OR6C75: variants seen among roughly 807,000 people sequenced by gnomAD.
The protein encoded by OR6C75 is olfactory receptor 6C75.
For synonymous variants in OR6C75, 149 were observed against 130.6 expected, an observed-to-expected ratio of 1.14 and a Z score of -0.96; for missense variants, 380 against 368.0, an observed-to-expected ratio of 1.03 and a Z score of -0.27.
rs367950935 is a variant in OR6C75 at position 55,365,683 on chromosome 12, C to T, written c.573C>T (p.His191=). 36 of 1,614,008 alleles carry T rather than the reference C, an allele frequency of 2.2e-5. No individual in the cohort carries two copies. The highest frequency in any genetic ancestry group is 2.5e-5 in the Non-Finnish European group (30 of 1,180,014). The change falls in exon 3 of 3, where the codon CAC becomes CAT. Residue 191 remains histidine, a synonymous_variant. Coordinates refer to ENST00000641576, the MANE Select transcript of OR6C75 (RefSeq NM_001005497.2). ...PMLQLSCTNT[H]FLELMAFFLA... is the part of the protein sequence containing the mutation. Reference sequence around the variant, plus strand: ...TGCAGCTCTCTTGCACAAACACTCACTTTCTAGAACTCATGGCATTTTTTT... The same window carrying T: ...TGCAGCTCTCTTGCACAAACACTCATTTTCTAGAACTCATGGCATTTTTTT...
rs752532745 is a variant in OR6C75 at position 55,365,211 on chromosome 12, T to C, written c.101T>C (p.Met34Thr). The C allele has an allele frequency of 1.2e-6, 2 of 1,612,770 alleles. No individual in the cohort carries two copies. Among genetic ancestry groups the C allele is most frequent in the African/African-American group, 1.3e-5 (1 of 74,936 alleles). Residue 34 changes from methionine (M) to threonine (T), a missense_variant, in exon 3 of 3, where the codon ATG becomes ACG. Physicochemically the swap from Met to Thr is moderately conservative, Grantham distance 81. Transcript: ENST00000641576. The part of the protein sequence containing the change: ...VLFIFLLVTY[M>T]LSVTGNLIII... ...TTCATATTTCTTCTTGTTACCTACA[T>C]GTTAAGTGTGACTGGGAACCTGATC...
chr12:55,363,533 T>TAAAG lies in OR6C75; in HGVS notation c.-325-259_-325-258insAAGA, dbSNP rs1459252859. Among the ~76,000 whole-genome samples the TAAAG allele has an allele frequency of 3.7e-3, 556 of 152,156 alleles. 17 individuals carry two copies. The East Asian group carries it at 0.081, about 22-fold the overall frequency. On this transcript the variant is annotated intron_variant, in intron 1 of 2. Transcript: ENST00000641576. ...TGTCTCTGGATGACTGAGTTGTCTTTACAACTCAGTCAATTATAAAAAGTA... is the reference window on the plus strand; with the variant it reads ...TGTCTCTGGATGACTGAGTTGTCTTTAAAGACAACTCAGTCAATTATAAAAAGTA...
chr12:55,366,187 A>G lies in OR6C75; in HGVS notation c.*138A>G. ...AGTTACATATCATCAACACTTCTTA[A>G]TGAAATTAGCCTAAAAACCAAGATT... On this transcript the variant is annotated 3_prime_UTR_variant, in exon 3 of 3. Transcript: ENST00000641576. The G allele has an allele frequency of 1.7e-6, 1 of 573,798 alleles. No individual in the cohort carries two copies. Among genetic ancestry groups the G allele is most frequent in the South Asian group, 2.6e-5 (1 of 38,830 alleles). The allele number at this position is 573,798 out of a possible 1,614,324, so 35.5% of individuals were successfully genotyped here. A position where few individuals can be genotyped will look rare whatever the true frequency, so the allele number is the denominator to read the frequency against.
In OR6C75 at chr12:55,368,980, A is replaced by C. The variant is rs1374945139; in HGVS notation, c.*2931A>C. 6.6e-6 allele frequency: 1 copy of C among 152,142 alleles called. No individual in the cohort carries two copies. Among genetic ancestry groups the C allele is most frequent in the African/African-American group, 2.4e-5 (1 of 41,460 alleles). The allele number at this position is 152,142 out of a possible 1,614,324, so 9.4% of individuals were successfully genotyped here. ...TCTTTATTGTGGCAATTTGTAAAGA[A>C]ATGAGACATTGTAAGTTTGCTTTTA... On this transcript the variant is annotated 3_prime_UTR_variant, in exon 3 of 3. Transcript: ENST00000641576.
chr12:55,363,444 G>T (rs1448528592), intron 1 of OR6C75, among the ~76,000 whole-genome samples: 5 of 151,876 alleles, frequency 3.3e-5, no homozygotes, highest in Admixed American at 6.6e-5. Context: ...ATAAAGAAAA[G>T]ATAATGTAAA....
In OR6C75 at chr12:55,365,095, T is replaced by C. The variant is rs756998792; in HGVS notation, c.-16T>C. On this transcript the variant is annotated 5_prime_UTR_variant, in exon 3 of 3. Transcript: ENST00000641576. ...TTACAGCGAAAATACAGAATACTTT[T>C]CTAAAGAAAAAAATAATGAGAAATT... 6.4e-7 allele frequency: 1 copy of C among 1,572,532 alleles called. No homozygotes were observed. The highest frequency in any genetic ancestry group is 1.1e-5 in the South Asian group (1 of 87,746).
Position 55,366,022 on chromosome 12 carries a change from G to C in OR6C75, c.912G>C (p.Gln304His). Reference protein sequence around the residue: ...QVKQAFKSMVQKMIFSLNK With the variant: ...QVKQAFKSMVHKMIFSLNK ...AGCAAGCCTTCAAGAGCATGGTCCA[G>C]AAGATGATTTTTTCTTTAAATAAAT... Residue 304 changes from glutamine to histidine, a missense_variant, in exon 3 of 3, where the codon CAG becomes CAC. Transcript: ENST00000641576. 2 of 1,573,566 alleles carry C rather than the reference G, an allele frequency of 1.3e-6. No homozygotes were observed. The highest frequency in any genetic ancestry group is 2.7e-5 in the African/African-American group (2 of 72,910).
intron 2 of OR6C75, among the ~76,000 whole-genome samples, chr12:55,364,255 G>T (rs1565673139): frequency 6.9e-6 from 1 of 145,224 alleles, no homozygotes; most frequent in African/African-American, 2.5e-5. Flanking sequence ...TGGGATTACA[G>T]GCATGAGTCA....
rs199851582 is a variant in OR6C75 at position 55,365,429 on chromosome 12, G to A, written c.319G>A (p.Val107Met). 5.2e-5 allele frequency: 84 copies of A among 1,613,844 alleles called. No individual in the cohort carries two copies. In the African/African-American group the frequency reaches 8.3e-4, roughly 16 times the overall value. ...AQLFFFIFLGVTEFYLLAAMS... is the reference protein window; with the variant it reads ...AQLFFFIFLGMTEFYLLAAMS... ...GCTATTTTTTTTCATCTTCTTGGGG[G>A]TGACAGAATTTTACCTTCTGGCTGC... The change falls in exon 3 of 3, where the codon GTG becomes ATG. Residue 107 changes from valine to methionine, a missense_variant. Physicochemically the swap from Val to Met is conservative, Grantham distance 21 (BLOSUM62 1). Transcript: ENST00000641576.
rs1447703826 is a variant in OR6C75 at position 55,365,956 on chromosome 12, C to T, written c.846C>T (p.Leu282=). ...TGCTCAATACCTCAGTGGCTCCTCT[C>T]TTGAATCCCTTCATATACACACTGA... The part of the protein sequence containing the change: ...VAVLNTSVAP[L]LNPFIYTLRN... The change falls in exon 3 of 3, where the codon CTC becomes CTT. Residue 282 remains leucine, a synonymous_variant. Coordinates refer to ENST00000641576, the MANE Select transcript of OR6C75 (RefSeq NM_001005497.2). 2 of 1,613,634 alleles carry T rather than the reference C, an allele frequency of 1.2e-6. No homozygotes were observed. Among genetic ancestry groups the T allele is most frequent in the East Asian group, 4.5e-5 (2 of 44,866 alleles).
At position 55,366,030 on chromosome 12, in the gene OR6C75, T is replaced by C. The variant is rs1017456113; in HGVS notation, c.920T>C (p.Ile307Thr). The C allele has an allele frequency of 6.4e-7, 1 of 1,565,984 alleles. No individual in the cohort carries two copies. The highest frequency in any genetic ancestry group is 8.6e-7 in the Non-Finnish European group (1 of 1,159,116). ...TTCAAGAGCATGGTCCAGAAGATGA[T>C]TTTTTCTTTAAATAAATGAATGTGA... ...QAFKSMVQKMIFSLNK is the reference protein window; with the variant it reads ...QAFKSMVQKMTFSLNK The change falls in exon 3 of 3, where the codon ATT becomes ACT. Residue 307 changes from isoleucine (I) to threonine (T), a missense_variant. Ile to Thr is a moderately conservative substitution (Grantham distance 89). Coordinates refer to ENST00000641576, the MANE Select transcript of OR6C75 (RefSeq NM_001005497.2).
rs529842565 is a variant in OR6C75 at position 55,367,590 on chromosome 12, C to G, written c.*1541C>G. On this transcript the variant is annotated 3_prime_UTR_variant, in exon 3 of 3. Transcript: ENST00000641576. ...TATGCATTCTTCCTGAGAACTGGAA[C>G]AAGACAAGGATGTCCCCTCTCAGCA... 3 of 152,248 alleles carry G rather than the reference C, an allele frequency of 2.0e-5. No individual in the cohort carries two copies. Among genetic ancestry groups the G allele is most frequent in the African/African-American group, 7.2e-5 (3 of 41,544 alleles). 9.4% of individuals were successfully genotyped at this position (152,248 alleles called of 1,614,324 possible).
chr12:55,368,956 C>A lies in OR6C75; in HGVS notation c.*2907C>A, dbSNP rs558198288. The A allele has an allele frequency of 2.6e-5, 4 of 151,960 alleles. No homozygotes were observed. In the East Asian group the frequency reaches 7.7e-4, roughly 29 times the overall value. The allele number at this position is 151,960 out of a possible 1,614,324, so 9.4% of individuals were successfully genotyped here. The stretch of plus-strand genomic sequence containing the variant: ...TTACATGATTATTTCATTATGAATT[C>A]TTTATTGTGGCAATTTGTAAAGAAA... On this transcript the variant is annotated 3_prime_UTR_variant, in exon 3 of 3. Transcript: ENST00000641576.
rs778636213 is a variant in OR6C75, at chr12:55,366,003, C to A, written c.893C>A (p.Ala298Asp). Residue 298 changes from alanine (A) to aspartate (D), a missense_variant, in exon 3 of 3, where the codon GCC (alanine) becomes GAC (aspartate). Transcript: ENST00000641576. Reference sequence around the variant, plus strand: ...CTGAGAAATAAGCAAGTGAAGCAAGCCTTCAAGAGCATGGTCCAGAAGATG... The same window carrying A: ...CTGAGAAATAAGCAAGTGAAGCAAGACTTCAAGAGCATGGTCCAGAAGATG... ...YTLRNKQVKQAFKSMVQKMIF... is the reference protein window; with the variant it reads ...YTLRNKQVKQDFKSMVQKMIF... 5.6e-6 allele frequency: 9 copies of A among 1,603,410 alleles called. No individual in the cohort carries two copies. Among genetic ancestry groups the A allele is most frequent in the South Asian group, 3.4e-5 (3 of 89,098 alleles).
In OR6C75 at chr12:55,365,816, T is replaced by C. The variant is rs761491603; in HGVS notation, c.706T>C (p.Phe236Leu). 1 of 1,613,796 alleles carries C rather than the reference T, an allele frequency of 6.2e-7. No homozygotes were observed. The highest frequency in any genetic ancestry group is 8.5e-7 in the Non-Finnish European group (1 of 1,179,950). ...TTCTATGAGTCAAAGGAAAAAAGCC[T>C]TTTCCACTTGCTCCTCCCATATGAT... ...IPSMSQRKKA[F>L]STCSSHMIVV... is the part of the protein sequence containing the mutation. The change falls in exon 3 of 3, where the codon TTT becomes CTT. Residue 236 changes from phenylalanine (F) to leucine (L), a missense_variant. Coordinates refer to ENST00000641576, the MANE Select transcript of OR6C75 (RefSeq NM_001005497.2).
In OR6C75 at chr12:55,365,186, T is replaced by C. The variant is rs370016598; in HGVS notation, c.76T>C (p.Phe26Leu). ...TGACCCACAGTGGCAGGTTGTACTT[T>C]TCATATTTCTTCTTGTTACCTACAT... ...TSDPQWQVVL[F>L]IFLLVTYMLS... Residue 26 changes from phenylalanine (F) to leucine (L), a missense_variant, in exon 3 of 3, where the codon TTC becomes CTC. By Grantham distance (22) the Phe-to-Leu change is conservative. Transcript: ENST00000641576. 1.9e-6 allele frequency: 3 copies of C among 1,613,376 alleles called. No homozygotes were observed. Among genetic ancestry groups the C allele is most frequent in the Non-Finnish European group, 1.7e-6 (2 of 1,179,746 alleles).
rs1869803579 is a variant in OR6C75, at chr12:55,366,290, T to C, written c.*241T>C. On this transcript the variant is annotated 3_prime_UTR_variant, in exon 3 of 3. Transcript: ENST00000641576. ...ATTTTAGGTAAATTAATAATTACTA[T>C]GGTTTATTGAGGGATAGCATTGGGA... 8.7e-6 allele frequency: 3 copies of C among 344,574 alleles called. No homozygotes were observed. Among genetic ancestry groups the C allele is most frequent in the South Asian group, 4.2e-5 (1 of 23,620 alleles). 21.3% of individuals were successfully genotyped at this position (344,574 alleles called of 1,614,324 possible). A position where few individuals can be genotyped will look rare whatever the true frequency, so the allele number is the denominator to read the frequency against.
At position 55,365,819 on chromosome 12, in the gene OR6C75, T is replaced by C. The variant is rs1869788228; in HGVS notation, c.709T>C (p.Ser237Pro). Residue 237 changes from serine to proline, a missense_variant, in exon 3 of 3, where the codon TCC becomes CCC. By Grantham distance (74) the Ser-to-Pro change is moderately conservative. Transcript: ENST00000641576. The stretch of plus-strand genomic sequence containing the variant: ...TATGAGTCAAAGGAAAAAAGCCTTT[T>C]CCACTTGCTCCTCCCATATGATAGT... Reference protein sequence around the residue: ...PSMSQRKKAFSTCSSHMIVVS... With the variant: ...PSMSQRKKAFPTCSSHMIVVS... 6.2e-7 allele frequency: 1 copy of C among 1,613,846 alleles called. No homozygotes were observed. The highest frequency in any genetic ancestry group is 1.7e-5 in the Admixed American group (1 of 59,992).
intron 2 of OR6C75, among the ~76,000 whole-genome samples, chr12:55,364,312 C>CTTTTTTGTTTTTTTTTTTTTTTTTTTT (rs1869739420): frequency 5.8e-5 from 1 of 17,164 alleles, no homozygotes; most frequent in Non-Finnish European, 1.3e-4. Flanking sequence ...GTTTCTTTTC[C>CTTTTTTGTTTTTTTTTTTTTTTTTTTT]TTTTTTTTTT....
Sources: gnomAD v4.1 joint callset for allele counts (sites outside exome capture counted in the v4.1 genomes callset) on GRCh38, gnomAD v4.1.1 for gene constraint, MANE v1.5 for transcripts, NCBI Gene and HGNC (gene_info 2026-07-23, HGNC 2026-07-21) for gene names.